SHLD2: variants seen among roughly 807,000 people sequenced by gnomAD.
SHLD2 encodes the protein shieldin complex subunit 2, also known as RINN1-REV7-interacting novel NHEJ regulator 2.
SHLD2 carries 30 observed loss-of-function variants against 73.2 expected under a neutral mutation model. That is an observed-to-expected ratio of 0.41 (90% CI 0.31 to 0.56). The LOEUF (loss-of-function observed/expected upper bound fraction) is 0.56. Ranked by LOEUF, SHLD2 falls within the 20% of genes least tolerant of loss-of-function variation. The pLI is 0.28. For synonymous variants in SHLD2, 285 were observed against 370.1 expected (o/e 0.77, Z 2.64); for missense variants, 745 against 1,055.9 (o/e 0.71, Z 4.08).
At chr10:87,165,950 C>T (rs1223838490) in intron 4 of SHLD2, among the ~76,000 whole-genome samples, 2 of 152,098 alleles carry the variant, frequency 1.3e-5, no homozygotes, top group African/African-American at 4.8e-5. Context: ...ACGATCATCT[C>T]AATAGGTACA....
intron 2 of SHLD2, among the ~76,000 whole-genome samples, chr10:87,141,878 A>G (rs1438062676): frequency 1.3e-5 from 2 of 152,088 alleles, no homozygotes; most frequent in African/African-American, 4.8e-5. Flanking sequence ...TAAAAATACA[A>G]AAATTAGCTG....
In SHLD2 at chr10:87,111,822, G is replaced by A. The variant is rs183709505; in HGVS notation, c.-6+14833G>A. Among the ~76,000 whole-genome samples, 847 of 151,988 alleles carry A rather than the reference G, an allele frequency of 5.6e-3. 11 individuals carry two copies. Among genetic ancestry groups the A allele is most frequent in the African/African-American group, 0.02 (816 of 41,482 alleles). On this transcript the variant is annotated intron_variant, in intron 2 of 9. Transcript: ENST00000298786. ...TTTCAAAGGACATCATTAAGAAAGT[G>A]AAAAGACAACCTACAGAACGGGATT...
chr10:87,172,057 T>C (rs563755527), intron 6 of SHLD2, among the ~76,000 whole-genome samples: 1 of 152,320 alleles, frequency 6.6e-6, no homozygotes, highest in South Asian at 2.1e-4. Context: ...AGAAGAGAAA[T>C]TACAGTTGTC....
chr10:87,149,279 TG>T, intron 2 of SHLD2, among the ~76,000 whole-genome samples: 1 of 151,974 alleles, frequency 6.6e-6, no homozygotes, highest in East Asian at 1.9e-4. Flanking sequence ...CTGTGCTATT[TG>T]GGGCCCCTAG....
chr10:87,094,593 G>A, upstream of SHLD2: 1 of 1,611,186 alleles, frequency 6.2e-7, no homozygotes, highest in Non-Finnish European at 8.5e-7. The surrounding 1 kb of genome is among the most constrained non-coding windows in gnomAD (Gnocchi z 6.6). Flanking sequence ...CGTCCTCGCG[G>A]TCGGCCACCG....
chr10:87,129,805 A>G lies in SHLD2; in HGVS notation c.-5-21545A>G, dbSNP rs984025197. ...CTAGCTAACTTTTTTGATTTTTAGT[A>G]GACAAGGTCTCGCTGTGTTGCCCAG... On this transcript the variant is annotated intron_variant, in intron 2 of 9. Coordinates refer to ENST00000298786, the MANE Select transcript of SHLD2 (RefSeq NM_001330112.2). 7.6e-4 allele frequency among the ~76,000 whole-genome samples: 115 copies of G among 151,838 alleles called. 1 individual carries two copies. Among genetic ancestry groups the G allele is most frequent in the Middle Eastern group, 3.4e-3 (1 of 294 alleles).
At chr10:87,167,622 A>T (rs1386510420) in intron 4 of SHLD2, among the ~76,000 whole-genome samples, 1 of 152,148 alleles carries the variant, frequency 6.6e-6, no homozygotes, top group African/African-American at 2.4e-5. Context: ...CAAAAATTGA[A>T]AAGTGGGACC....
At chr10:87,175,752 T>C (rs1847915051) in intron 6 of SHLD2, 137 bp from the exon 7 acceptor site, 1 of 647,498 alleles carries the variant, frequency 1.5e-6, no homozygotes, top group Non-Finnish European at 2.7e-6. Flanking sequence ...CATTCATATT[T>C]TGTCTCTGTT....
chr10:87,133,069 G>A (rs533644553), intron 2 of SHLD2, among the ~76,000 whole-genome samples: 101 of 152,210 alleles, frequency 6.6e-4, no homozygotes, highest in African/African-American at 2.4e-3. Context: ...TGATGAAGCT[G>A]AGATTAACAT....
At chr10:87,163,763 G>C (rs1392174118) in intron 4 of SHLD2, among the ~76,000 whole-genome samples, 1 of 149,914 alleles carries the variant, frequency 6.7e-6, no homozygotes, top group Non-Finnish European at 1.5e-5. Context: ...GTTATAAACT[G>C]AGGATTTTTA....
At chr10:87,147,056 C>CAAAAAAA (rs1237507855) in intron 2 of SHLD2, among the ~76,000 whole-genome samples, 2 of 43,766 alleles carry the variant, frequency 4.6e-5, no homozygotes, top group South Asian at 8.7e-4. Flanking sequence ...GACTCTGTCT[C>CAAAAAAA]AAAAAAAAAA....
chr10:87,095,746 A>G (rs2133889586), intron 1 of SHLD2, among the ~76,000 whole-genome samples: 1 of 152,266 alleles, frequency 6.6e-6, no homozygotes, highest in East Asian at 1.9e-4. Flanking sequence ...GTGTCGCCCC[A>G]CAGTACTGAC....
At chr10:87,148,539 G>A in intron 2 of SHLD2, among the ~76,000 whole-genome samples, 1 of 137,796 alleles carries the variant, frequency 7.3e-6, no homozygotes, top group African/African-American at 2.8e-5. Flanking sequence ...TGAGATGTAA[G>A]AAACAACAAA....
At chr10:87,155,481 T>G (rs1180571695) in intron 3 of SHLD2, among the ~76,000 whole-genome samples, 3 of 152,132 alleles carry the variant, frequency 2.0e-5, no homozygotes, top group Admixed American at 6.5e-5. Flanking sequence ...TTTGGGCAAT[T>G]AATGCCTCAT....
intron 2 of SHLD2, among the ~76,000 whole-genome samples, chr10:87,150,158 G>C (rs1205694028): frequency 4.8e-5 from 7 of 146,114 alleles, no homozygotes; most frequent in South Asian, 2.1e-4. Context: ...TCCTCCTCCT[G>C]AGTTCAAGCG....
intron 2 of SHLD2, among the ~76,000 whole-genome samples, chr10:87,145,383 C>T (rs1375709467): frequency 6.6e-6 from 1 of 152,084 alleles, no homozygotes; most frequent in Non-Finnish European, 1.5e-5. Context: ...ATGCAACTAT[C>T]ACTTAACTTC....
chr10:87,157,829 TATCATTTGA>T (rs891588558), intron 3 of SHLD2, among the ~76,000 whole-genome samples: 1 of 152,250 alleles, frequency 6.6e-6, no homozygotes, highest in Admixed American at 6.5e-5. Flanking sequence ...TCCATACTGC[TATCATTTGA>T]ATATAAAGAA....
chr10:87,139,556 G>C (rs1400590682), intron 2 of SHLD2, among the ~76,000 whole-genome samples: 1 of 152,126 alleles, frequency 6.6e-6, no homozygotes, highest in Non-Finnish European at 1.5e-5. Flanking sequence ...ATGACTAGTA[G>C]AGAAATGAAT....
intron 3 of SHLD2, among the ~76,000 whole-genome samples, chr10:87,155,215 G>A (rs2134360291): frequency 6.6e-6 from 1 of 152,328 alleles, no homozygotes; most frequent in East Asian, 1.9e-4. Context: ...GATTACAGGC[G>A]TGAGCCACCG....
Sources: gnomAD v4.1 joint callset for allele counts (sites outside exome capture counted in the v4.1 genomes callset) on GRCh38, gnomAD v4.1.1 for gene constraint, Gnocchi (gnomAD v3.1) non-coding constraint, MANE v1.5 for transcripts, NCBI Gene and HGNC (gene_info 2026-07-23, HGNC 2026-07-21) for gene names.